Variants in CDKL4 observed in about 807,000 individuals in gnomAD.
CDKL4 encodes cyclin-dependent kinase-like 4.
CDKL4 carries 44 observed loss-of-function variants against 42.0 expected under a neutral mutation model. The observed-to-expected ratio is 1.05, with a 90% CI of 0.82 to 1.35. CDKL4 has a LOEUF of 1.35. Among genes scored for constraint, CDKL4 ranks in the 40% most tolerant of loss-of-function variants. The probability of loss-of-function intolerance (pLI) is 0.00; values close to 1 mark genes in which losing one functional copy is unlikely to be tolerated. For missense variants in CDKL4, 393 were observed against 369.9 expected, an observed-to-expected ratio of 1.06 and a Z score of -0.51; for synonymous variants, 120 against 121.6, an observed-to-expected ratio of 0.99 and a Z score of 0.09.
intron 5 of CDKL4, among the ~76,000 whole-genome samples, chr2:39,192,086 AT>A (rs1165995506): frequency 6.6e-6 from 1 of 152,252 alleles, no homozygotes; most frequent in Admixed American, 6.5e-5. Flanking sequence ...AAGGATAAAA[AT>A]TAATAAATGC....
chr2:39,177,274 CG>C (rs980892419), intron 9 of CDKL4, among the ~76,000 whole-genome samples: 6 of 152,064 alleles, frequency 3.9e-5, no homozygotes, highest in African/African-American at 1.4e-4. Context: ...CACCCAACCC[CG>C]TCGAGGCGAG....
intron 3 of CDKL4, among the ~76,000 whole-genome samples, chr2:39,213,788 G>A (rs941188761): frequency 3.9e-5 from 6 of 152,140 alleles, no homozygotes; most frequent in African/African-American, 7.2e-5. Context: ...GGAATAAAAT[G>A]TGTTGGGTCA....
intron 5 of CDKL4, among the ~76,000 whole-genome samples, chr2:39,196,110 A>G (rs1676502238): frequency 1.3e-5 from 2 of 152,208 alleles, no homozygotes; most frequent in African/African-American, 4.8e-5. Context: ...GATCCACCCT[A>G]TGCTACCGCA....
chr2:39,188,711 ACAGGGTCTCT>A (rs1216696489), intron 6 of CDKL4, among the ~76,000 whole-genome samples: 1 of 151,840 alleles, frequency 6.6e-6, no homozygotes. Context: ...ATTTTTTCAG[ACAGGGTCTCT>A]CTCTGTTGCC....
intron 5 of CDKL4, among the ~76,000 whole-genome samples, chr2:39,194,653 G>A (rs1676403614): frequency 6.6e-6 from 1 of 151,962 alleles, no homozygotes; most frequent in East Asian, 1.9e-4. Flanking sequence ...GAGCTTTTGT[G>A]GTTCTCTTTT....
At chr2:39,226,448 T>TATATATATTATATATATTATATATATATA (rs1025973894) in intron 2 of CDKL4, among the ~76,000 whole-genome samples, 3 of 85,402 alleles carry the variant, frequency 3.5e-5, no homozygotes, top group Admixed American at 1.2e-4. Flanking sequence ...ATATATATTA[T>TATATATATTATATATATTATATATATATA]ATATATATTA....
downstream of CDKL4, among the ~76,000 whole-genome samples, chr2:39,171,247 A>AG (rs1269056317): frequency 2.6e-5 from 4 of 152,152 alleles, no homozygotes; most frequent in East Asian, 7.7e-4. Context: ...AAAAAAAAAA[A>AG]AAAAGATTTT....
upstream of CDKL4, among the ~76,000 whole-genome samples, chr2:39,244,619 G>A (rs1049880711): frequency 1.3e-5 from 2 of 152,158 alleles, no homozygotes; most frequent in African/African-American, 2.4e-5. Flanking sequence ...CCTGCTCCAC[G>A]GCGCCCAGTC....
At chr2:39,237,067 CAAAGTCAGACAAAGAAATCAGATG>C (rs1163917133) in intron 1 of CDKL4, among the ~76,000 whole-genome samples, 1 of 152,168 alleles carries the variant, frequency 6.6e-6, no homozygotes, top group Admixed American at 6.5e-5. Context: ...TGATAGAAGT[CAAAGTCAGACAAAGAAATCAGATG>C]AAAGTCAGAC....
At chr2:39,209,202 C>G (rs1677422942) in intron 4 of CDKL4, among the ~76,000 whole-genome samples, 1 of 151,198 alleles carries the variant, frequency 6.6e-6, no homozygotes, top group Admixed American at 6.6e-5. Context: ...GTCCCAGTTC[C>G]TTGGGAGGCT....
chr2:39,176,829 A>G (rs745436396), intron 9 of CDKL4, among the ~76,000 whole-genome samples: 1 of 152,226 alleles, frequency 6.6e-6, no homozygotes, highest in Non-Finnish European at 1.5e-5. Flanking sequence ...GGAAACCGCA[A>G]TGAATGAAAA....
At chr2:39,187,262 C>T (rs1675878642) in intron 7 of CDKL4, among the ~76,000 whole-genome samples, 1 of 152,104 alleles carries the variant, frequency 6.6e-6, no homozygotes, top group Non-Finnish European at 1.5e-5. Context: ...GACTGTGAGT[C>T]AATTAAATCT....
chr2:39,221,501 G>C (rs778436900), intron 3 of CDKL4, among the ~76,000 whole-genome samples: 4 of 152,176 alleles, frequency 2.6e-5, no homozygotes, highest in Admixed American at 2.6e-4. Flanking sequence ...GGGAGTACAA[G>C]TAGATGAATG....
At chr2:39,198,660 T>A (rs1000804247) in intron 5 of CDKL4, among the ~76,000 whole-genome samples, 2 of 151,488 alleles carry the variant, frequency 1.3e-5, no homozygotes, top group African/African-American at 4.9e-5. Context: ...TGGAATAGAA[T>A]TGGAAATCAA....
chr2:39,229,481 C>A (rs776009745), exon 2 of CDKL4: 2 of 1,613,328 alleles, frequency 1.2e-6, no homozygotes, highest in Admixed American at 3.3e-5. Context: ...CATTTGAATA[C>A]AACCCCATAA....
intron 4 of CDKL4, 145 bp from the exon 5 acceptor site, chr2:39,204,762 G>A (rs1322635738): frequency 2.3e-6 from 1 of 441,154 alleles, no homozygotes. Context: ...AACTTAAATT[G>A]GCAATTTTTC....
chr2:39,195,631 T>C (rs1572964722), intron 5 of CDKL4, among the ~76,000 whole-genome samples: 1 of 151,384 alleles, frequency 6.6e-6, no homozygotes, highest in Non-Finnish European at 1.5e-5. Flanking sequence ...ATTTTTTACA[T>C]TTTTAATTAA....
intron 5 of CDKL4, among the ~76,000 whole-genome samples, chr2:39,202,418 C>T (rs1306921041): frequency 6.6e-6 from 1 of 152,190 alleles, no homozygotes; most frequent in Admixed American, 6.5e-5. Flanking sequence ...TAGTTCTGAA[C>T]ATTCTGGCTA....
At chr2:39,226,369 A>T (rs1678712628) in intron 2 of CDKL4, among the ~76,000 whole-genome samples, 1 of 148,584 alleles carries the variant, frequency 6.7e-6, no homozygotes, top group Non-Finnish European at 1.5e-5. Flanking sequence ...ATCGGAATAA[A>T]CTGTCTATTC....
Sources: gnomAD v4.1 joint callset for allele counts (sites outside exome capture counted in the v4.1 genomes callset) on GRCh38, gnomAD v4.1.1 for gene constraint, MANE v1.5 for transcripts, NCBI Gene and HGNC (gene_info 2026-07-23, HGNC 2026-07-21) for gene names.